Variants in ASNS observed in about 807,000 individuals in gnomAD.
ASNS encodes the protein asparagine synthetase [glutamine-hydrolyzing].
In ASNS, 37 loss-of-function variants were observed where a neutral mutation model predicts 62.6. That is an observed-to-expected ratio of 0.59 (90% CI 0.45 to 0.78). The LOEUF is 0.78. Ranked by LOEUF, ASNS falls within the 30% of genes least tolerant of loss-of-function variation. The probability of loss-of-function intolerance (pLI) is 0.00; values close to 1 mark genes in which losing one functional copy is unlikely to be tolerated. For synonymous variants in ASNS, 207 were observed against 237.9 expected (o/e 0.87, Z 1.19); for missense variants, 520 against 682.4 (o/e 0.76, Z 2.65).
the ASNS span, among the ~76,000 whole-genome samples, chr7:97,925,310 C>A: frequency 6.6e-6 from 1 of 152,092 alleles, no homozygotes; most frequent in Non-Finnish European, 1.5e-5. Flanking sequence ...CCGCATTGCT[C>A]ATAAAGGGTA....
intron 4 of ASNS, among the ~76,000 whole-genome samples, chr7:97,861,675 A>G (rs1791725877): frequency 6.6e-6 from 1 of 152,230 alleles, no homozygotes. Flanking sequence ...TATGAATTTG[A>G]GAGTCAGCTT....
chr7:97,902,189 T>C, the ASNS span, among the ~76,000 whole-genome samples: 1 of 152,122 alleles, frequency 6.6e-6, no homozygotes, highest in Non-Finnish European at 1.5e-5. Flanking sequence ...AAATCCTTTA[T>C]GCAGAGATGT....
At chr7:97,868,263 G>A (rs1406708976) in intron 3 of ASNS, among the ~76,000 whole-genome samples, 1 of 152,020 alleles carries the variant, frequency 6.6e-6, no homozygotes, top group Non-Finnish European at 1.5e-5. Flanking sequence ...AGCCGAGATC[G>A]CACCACTGCA....
chr7:97,864,388 C>A lies in ASNS; in HGVS notation c.358G>T (p.Val120Leu). 1 of 1,613,952 alleles carries A rather than the reference C, an allele frequency of 6.2e-7. No homozygotes were observed. The highest frequency in any genetic ancestry group is 8.5e-7 in the Non-Finnish European group (1 of 1,179,898). The change falls in exon 4 of 13, where the codon GTG becomes TTG. Residue 120 changes from valine (V) to leucine (L), a missense_variant. Coordinates refer to ENST00000394308, the MANE Select transcript of ASNS (RefSeq NM_001673.5). ...GTATCCAGTAAAACAAATGCAAACA[C>A]ACCATCCAACATACAAATTGTTTGC... ...IEQTICMLDG[V>L]FAFVLLDTAN...
At chr7:97,893,320 A>T in the ASNS span, among the ~76,000 whole-genome samples, 7 of 152,290 alleles carry the variant, frequency 4.6e-5, no homozygotes, top group African/African-American at 1.7e-4. Context: ...CAGCCAAACC[A>T]TATCAAAAGG....
the ASNS span, among the ~76,000 whole-genome samples, chr7:97,920,768 A>G: frequency 6.6e-6 from 1 of 152,258 alleles, no homozygotes; most frequent in African/African-American, 2.4e-5. Context: ...GGTTATTAGC[A>G]AGAGCTTTTG....
chr7:97,902,740 C>CAAA, the ASNS span, among the ~76,000 whole-genome samples: 1 of 152,110 alleles, frequency 6.6e-6, no homozygotes, highest in African/African-American at 2.4e-5. Context: ...ACAACAACAA[C>CAAA]AACAAAAAAC....
the ASNS span, among the ~76,000 whole-genome samples, chr7:97,894,797 G>T: frequency 6.6e-6 from 1 of 152,110 alleles, no homozygotes; most frequent in Non-Finnish European, 1.5e-5. Flanking sequence ...AATTTATAAA[G>T]AAAAACAAAC....
At chr7:97,886,551 A>G in the ASNS span, among the ~76,000 whole-genome samples, 8 of 152,262 alleles carry the variant, frequency 5.3e-5, no homozygotes, top group Middle Eastern at 3.4e-3. Context: ...TGCCCTATCA[A>G]AGAGAATAGT....
intron 1 of ASNS, chr7:97,871,888 C>T (rs1463896489): frequency 6.6e-6 from 1 of 152,218 alleles, no homozygotes; most frequent in Non-Finnish European, 1.5e-5. Context: ...GGTGATAAGG[C>T]CGCAGTCTCT....
chr7:97,919,388 G>C, the ASNS span, among the ~76,000 whole-genome samples: 1 of 152,184 alleles, frequency 6.6e-6, no homozygotes, highest in African/African-American at 2.4e-5. Flanking sequence ...TTACAGGTGT[G>C]AGCCACCATG....
chr7:97,863,330 G>C (rs915354749), intron 4 of ASNS: 5 of 152,226 alleles, frequency 3.3e-5, no homozygotes, highest in Admixed American at 2.0e-4. Context: ...CTACGGCATA[G>C]ACAAATCTTG....
intron 3 of ASNS, 82 bp downstream of exon 3, chr7:97,868,826 T>C (rs1456511397): frequency 2.6e-6 from 4 of 1,563,716 alleles, no homozygotes; most frequent in Non-Finnish European, 3.5e-6. Context: ...GGAAAAAGCA[T>C]GATACAGAAT....
At chr7:97,856,256 A>C (rs986499305) in intron 8 of ASNS, among the ~76,000 whole-genome samples, 2 of 152,212 alleles carry the variant, frequency 1.3e-5, no homozygotes, top group Non-Finnish European at 2.9e-5. Flanking sequence ...TACAAGATAA[A>C]ATTAGTATTG....
chr7:97,928,083 C>T, the ASNS span: 16 of 1,518,314 alleles, frequency 1.1e-5, no homozygotes, highest in East Asian at 3.5e-4. Context: ...GTCACTTACT[C>T]CTCTGCCGTC....
the ASNS span, among the ~76,000 whole-genome samples, chr7:97,914,559 C>A: frequency 6.6e-6 from 1 of 152,148 alleles, no homozygotes; most frequent in African/African-American, 2.4e-5. Flanking sequence ...TTGATCCCTC[C>A]ATCACATTGA....
At chr7:97,897,203 C>A in the ASNS span, among the ~76,000 whole-genome samples, 2 of 152,096 alleles carry the variant, frequency 1.3e-5, no homozygotes, top group Non-Finnish European at 2.9e-5. Flanking sequence ...AAACAATCAA[C>A]AGAGTGAAAA....
At chr7:97,927,070 GCTTT>G in the ASNS span, among the ~76,000 whole-genome samples, 1 of 69,452 alleles carries the variant, frequency 1.4e-5, no homozygotes, top group Admixed American at 2.4e-4. Flanking sequence ...ACCACACCTG[GCTTT>G]TTTTTTTTTT....
the ASNS span, among the ~76,000 whole-genome samples, chr7:97,926,572 A>C: frequency 6.6e-6 from 1 of 152,154 alleles, no homozygotes. Context: ...AGGGAAGAGG[A>C]ATGGGTCTGG....
Sources: allele counts gnomAD v4.1 joint callset (sites outside exome capture counted in the v4.1 genomes callset), GRCh38; gene constraint gnomAD v4.1.1; transcripts MANE v1.5; gene names NCBI Gene and HGNC (gene_info 2026-07-23, HGNC 2026-07-21).